The following LOC122539214 variants were observed in gnomAD, a reference collection of about 807,000 sequenced individuals.
the LOC122539214 span, among the ~76,000 whole-genome samples, chr19:52,683,364 T>G: frequency 6.6e-6 from 1 of 152,146 alleles, no homozygotes; most frequent in Non-Finnish European, 1.5e-5. Flanking sequence ...GCCCTCGGGC[T>G]GCAGTTCACT....
At chr19:52,683,261 T>G in the LOC122539214 span, among the ~76,000 whole-genome samples, 1 of 91,524 alleles carries the variant, frequency 1.1e-5, no homozygotes. Context: ...TGTGTGTGTG[T>G]GTGTGTGTGT....
At chr19:52,652,833 T>A in the LOC122539214 span, 1 of 944,318 alleles carries the variant, frequency 1.1e-6, no homozygotes, top group Non-Finnish European at 1.7e-6. Context: ...CAGTATGAAG[T>A]CTATGATGGC....
the LOC122539214 span, among the ~76,000 whole-genome samples, chr19:52,683,648 C>T: frequency 6.6e-6 from 1 of 152,182 alleles, no homozygotes; most frequent in Non-Finnish European, 1.5e-5. Context: ...TGCCTCAGGA[C>T]TGGCTGAAGA....
At chr19:52,678,885 G>A in the LOC122539214 span, among the ~76,000 whole-genome samples, 3 of 151,252 alleles carry the variant, frequency 2.0e-5, no homozygotes, top group South Asian at 6.2e-4. Context: ...TGAGGCAGGA[G>A]AATCACTTGA....
the LOC122539214 span, among the ~76,000 whole-genome samples, chr19:52,683,620 A>T: frequency 6.6e-6 from 1 of 152,142 alleles, no homozygotes; most frequent in African/African-American, 2.4e-5. Flanking sequence ...CAGTTCACAC[A>T]GATGACAAAA....
the LOC122539214 span, among the ~76,000 whole-genome samples, chr19:52,666,495 C>T: frequency 4.6e-5 from 7 of 152,008 alleles, no homozygotes; most frequent in South Asian, 4.2e-4. Context: ...CAGTAAACCG[C>T]GGATGGCCCA....
At chr19:52,686,751 T>C in the LOC122539214 span, among the ~76,000 whole-genome samples, 4 of 152,078 alleles carry the variant, frequency 2.6e-5, no homozygotes, top group African/African-American at 9.7e-5. Flanking sequence ...TTTTGTATTT[T>C]TCATAGAGAC....
the LOC122539214 span, among the ~76,000 whole-genome samples, chr19:52,683,724 A>G: frequency 6.6e-6 from 1 of 152,146 alleles, no homozygotes; most frequent in Non-Finnish European, 1.5e-5. Flanking sequence ...TTTGACTAAA[A>G]CAAATTGCCA....
chr19:52,677,093 CCT>C, the LOC122539214 span, among the ~76,000 whole-genome samples: 1 of 145,582 alleles, frequency 6.9e-6, no homozygotes, highest in Non-Finnish European at 1.5e-5. Context: ...GCCAAATCCC[CCT>C]CTGTGAGAAA....
At chr19:52,678,716 G>T in the LOC122539214 span, among the ~76,000 whole-genome samples, 6 of 152,096 alleles carry the variant, frequency 3.9e-5, no homozygotes, top group Admixed American at 6.5e-5. Context: ...GCTCATGCCT[G>T]TAATCCCAGT....
the LOC122539214 span, among the ~76,000 whole-genome samples, chr19:52,688,965 AAAAAAAAG>A: frequency 1.3e-5 from 2 of 151,812 alleles, no homozygotes; most frequent in African/African-American, 2.4e-5. Context: ...AAAAAAAAAA[AAAAAAAAG>A]AGAGAGATTA....
chr19:52,664,766 G>A, the LOC122539214 span, among the ~76,000 whole-genome samples: 1 of 151,588 alleles, frequency 6.6e-6, no homozygotes, highest in African/African-American at 2.4e-5. Context: ...GGGGGTGAGG[G>A]GGGAAGAGGC....
At chr19:52,681,360 A>T in the LOC122539214 span, among the ~76,000 whole-genome samples, 1 of 151,720 alleles carries the variant, frequency 6.6e-6, no homozygotes, top group African/African-American at 2.4e-5. Context: ...GGTGATATTC[A>T]TTACCTAGAT....
At chr19:52,651,263 T>C in the LOC122539214 span, 1 of 152,232 alleles carries the variant, frequency 6.6e-6, no homozygotes, top group East Asian at 1.9e-4. Flanking sequence ...GCATGTCCTT[T>C]AGCTGAAGAT....
At chr19:52,678,051 AAAAAC>A in the LOC122539214 span, among the ~76,000 whole-genome samples, 1 of 150,796 alleles carries the variant, frequency 6.6e-6, no homozygotes, top group African/African-American at 2.5e-5. Context: ...AAACAAAACA[AAAAAC>A]AAAACAAAAC....
chr19:52,665,144 G>T, the LOC122539214 span, among the ~76,000 whole-genome samples: 1 of 152,130 alleles, frequency 6.6e-6, no homozygotes, highest in East Asian at 1.9e-4. Context: ...TCATTCACTG[G>T]GGTGGGAGAG....
At chr19:52,688,971 A>AG in the LOC122539214 span, among the ~76,000 whole-genome samples, 3 of 143,208 alleles carry the variant, frequency 2.1e-5, no homozygotes, top group African/African-American at 7.8e-5. Flanking sequence ...AAAAAAAAAA[A>AG]AGAGAGAGAT....
the LOC122539214 span, among the ~76,000 whole-genome samples, chr19:52,653,615 T>A: frequency 1.3e-5 from 2 of 152,188 alleles, no homozygotes; most frequent in Non-Finnish European, 2.9e-5. Flanking sequence ...AGGGATGACG[T>A]CTGACTGAAG....
the LOC122539214 span, among the ~76,000 whole-genome samples, chr19:52,667,078 A>G: frequency 6.6e-5 from 10 of 152,212 alleles, no homozygotes; most frequent in African/African-American, 2.4e-4. Context: ...GAAATCCCAA[A>G]CTTACAACGT....
Sources: gnomAD v4.1 joint callset for allele counts (sites outside exome capture counted in the v4.1 genomes callset) on GRCh38, gnomAD v4.1.1 for gene constraint, MANE v1.5 for transcripts.